The following SLC8A1 variants were observed in gnomAD, a reference collection of about 807,000 sequenced individuals.
SLC8A1 encodes solute carrier family 8 member A1, also known as sodium/calcium exchanger 1.
A neutral mutation model predicts 68.3 loss-of-function variants in SLC8A1; 18 were observed. The observed-to-expected ratio is 0.26, with a 90% CI of 0.18 to 0.39. The LOEUF is 0.39. Among genes scored for constraint, SLC8A1 ranks in the 10% least tolerant of loss-of-function variants. The probability of loss-of-function intolerance (pLI) is 1.00; values close to 1 mark genes in which losing one functional copy is unlikely to be tolerated. For missense variants in SLC8A1, 985 were observed against 1,156.7 expected, an observed-to-expected ratio of 0.85 and a Z score of 2.15; for synonymous variants, 475 against 415.5, an observed-to-expected ratio of 1.14 and a Z score of -1.74.
intron 2 of SLC8A1, among the ~76,000 whole-genome samples, chr2:40,365,032 T>C (rs1479070899): frequency 1.3e-5 from 2 of 152,088 alleles, no homozygotes; most frequent in Non-Finnish European, 2.9e-5. Flanking sequence ...TTGTATTGCA[T>C]GGCATGTATT....
intron 2 of SLC8A1, among the ~76,000 whole-genome samples, chr2:40,284,827 G>T (rs1021408177): frequency 6.6e-6 from 1 of 151,920 alleles, no homozygotes; most frequent in Non-Finnish European, 1.5e-5. Context: ...TTATGCAATT[G>T]AGCAGTAGAG....
At chr2:40,416,990 A>T in intron 2 of SLC8A1, among the ~76,000 whole-genome samples, 1 of 152,106 alleles carries the variant, frequency 6.6e-6, no homozygotes, top group East Asian at 1.9e-4. Context: ...AATAAAAATG[A>T]TAATTTACCA....
At position 40,161,026 on chromosome 2, in the gene SLC8A1, A is replaced by C. The variant is rs143400847; in HGVS notation, c.2062-162T>G. ...AAACACTGTTATGATTATGCAAACAAGCATGGTCCTTAGTTGGAAACATTC... is the reference window on the plus strand; with the variant it reads ...AAACACTGTTATGATTATGCAAACACGCATGGTCCTTAGTTGGAAACATTC... On this transcript the variant is annotated intron_variant, in intron 5 of 7. Transcript: ENST00000406785. Among the ~76,000 whole-genome samples, 422 of 152,350 alleles carry C rather than the reference A, an allele frequency of 2.8e-3. 4 individuals carry two copies. Among genetic ancestry groups the C allele is most frequent in the African/African-American group, 9.7e-3 (405 of 41,586 alleles).
At chr2:40,191,512 T>A (rs899670420) in intron 2 of SLC8A1, among the ~76,000 whole-genome samples, 2 of 152,206 alleles carry the variant, frequency 1.3e-5, no homozygotes, top group Non-Finnish European at 2.9e-5. Context: ...GGGTTTAAAC[T>A]AAAAATGTGT....
In SLC8A1 at chr2:40,189,084, CT is replaced by C. The variant is rs534636858; in HGVS notation, c.1809-11230del. On this transcript the variant is annotated intron_variant, in intron 2 of 7. Transcript: ENST00000406785. ...ACTAGTAGAAATCAATACCAGATTT[CT>C]TTTTTTAAATAAAATTTTTGATGTA... Among the ~76,000 whole-genome samples the C allele has an allele frequency of 1.5e-3, 222 of 152,184 alleles. 1 individual carries two copies. The highest frequency in any genetic ancestry group is 5.2e-3 in the African/African-American group (215 of 41,532).
intron 2 of SLC8A1, among the ~76,000 whole-genome samples, chr2:40,326,658 T>C (rs1465106703): frequency 6.6e-6 from 1 of 152,198 alleles, no homozygotes; most frequent in Non-Finnish European, 1.5e-5. Context: ...AATGAAGAGA[T>C]GAAACAAATT....
At chr2:40,122,236 G>GCACA (rs56977522) in intron 7 of SLC8A1, among the ~76,000 whole-genome samples, 3,974 of 149,456 alleles carry the variant, frequency 0.027, 183 homozygotes, top group African/African-American at 0.092. Context: ...GTGTGCGCGC[G>GCACA]CACACACACA....
intron 2 of SLC8A1, among the ~76,000 whole-genome samples, chr2:40,275,635 T>G (rs2066606868): frequency 6.6e-6 from 1 of 152,174 alleles, no homozygotes; most frequent in Admixed American, 6.5e-5. Flanking sequence ...CACAGGCCTC[T>G]CTGTAGTCTG....
intron 2 of SLC8A1, among the ~76,000 whole-genome samples, chr2:40,304,841 G>A (rs1315754987): frequency 6.6e-6 from 1 of 152,174 alleles, no homozygotes. Flanking sequence ...GCGCCCGCCA[G>A]AGATGAACCC....
At chr2:40,301,842 C>A (rs2071517349) in intron 2 of SLC8A1, among the ~76,000 whole-genome samples, 5 of 152,070 alleles carry the variant, frequency 3.3e-5, no homozygotes, top group Admixed American at 3.3e-4. Flanking sequence ...GTGTGCCCAT[C>A]ACCCAAGCAG....
intron 2 of SLC8A1, among the ~76,000 whole-genome samples, chr2:40,351,561 G>A (rs578066369): frequency 1.2e-4 from 18 of 148,290 alleles, no homozygotes; most frequent in South Asian, 6.5e-4. Context: ...GAGTCAAGTA[G>A]ATTGGCATAC....
At chr2:40,146,063 T>G (rs1459370371) in intron 6 of SLC8A1, among the ~76,000 whole-genome samples, 1 of 152,216 alleles carries the variant, frequency 6.6e-6, no homozygotes. Flanking sequence ...AAGTAGATGA[T>G]GTCAACAACT....
At chr2:40,409,127 C>A (rs530712870) in intron 2 of SLC8A1, among the ~76,000 whole-genome samples, 1 of 152,172 alleles carries the variant, frequency 6.6e-6, no homozygotes, top group African/African-American at 2.4e-5. Context: ...GACAATGAGA[C>A]AAGAATACAA....
upstream of SLC8A1, among the ~76,000 whole-genome samples, chr2:40,452,338 G>A (rs1702664110): frequency 6.6e-6 from 1 of 151,936 alleles, no homozygotes; most frequent in South Asian, 2.1e-4. Context: ...CTGGAGCACC[G>A]AGCGGGTGGG....
At chr2:40,453,876 G>C (rs556428771), upstream of SLC8A1, among the ~76,000 whole-genome samples, 2 of 152,280 alleles carry the variant, frequency 1.3e-5, no homozygotes, top group South Asian at 2.1e-4. Flanking sequence ...AGCAGTCTTG[G>C]ATACTGGCTT....
chr2:40,099,556 C>T (rs1204968777), exon 8 of SLC8A1: 1 of 152,056 alleles, frequency 6.6e-6, no homozygotes, highest in African/African-American at 2.4e-5. Flanking sequence ...TACCTGCCCC[C>T]TGTCAGTCTT....
At chr2:40,191,589 C>G (rs1453110968) in intron 2 of SLC8A1, among the ~76,000 whole-genome samples, 5 of 152,088 alleles carry the variant, frequency 3.3e-5, no homozygotes, top group Non-Finnish European at 5.9e-5. Flanking sequence ...CTTTATAGAA[C>G]CAGAGCAGGT....
intron 2 of SLC8A1, among the ~76,000 whole-genome samples, chr2:40,286,476 T>C (rs2068330291): frequency 6.6e-6 from 1 of 152,218 alleles, no homozygotes; most frequent in African/African-American, 2.4e-5. Flanking sequence ...CAATCCCTGA[T>C]TGTAGAAGAC....
At chr2:40,316,544 A>T (rs1264317910) in intron 2 of SLC8A1, among the ~76,000 whole-genome samples, 2 of 152,066 alleles carry the variant, frequency 1.3e-5, no homozygotes, top group Non-Finnish European at 2.9e-5. Flanking sequence ...TTTAAGCCTG[A>T]TAAAGCTTTA....
Sources: gnomAD v4.1 joint callset for allele counts (sites outside exome capture counted in the v4.1 genomes callset) on GRCh38, gnomAD v4.1.1 for gene constraint, MANE v1.5 for transcripts, NCBI Gene and HGNC (gene_info 2026-07-23, HGNC 2026-07-21) for gene names.